EML4: variants seen among roughly 807,000 people sequenced by gnomAD.
The protein encoded by EML4 is echinoderm microtubule-associated protein-like 4.
Under a neutral mutation model 129.0 loss-of-function variants are expected in EML4, and 72 were observed. That is an observed-to-expected ratio of 0.56 (90% confidence interval 0.46 to 0.68). The LOEUF is 0.68. EML4 is among the 30% of genes least tolerant of loss of function. The pLI, the probability that EML4 is intolerant of heterozygous loss-of-function variation, is 0.00. For synonymous variants in EML4, 532 were observed against 405.0 expected, an observed-to-expected ratio of 1.31 and a Z score of -3.77; for missense variants, 1,363 against 1,190.6, an observed-to-expected ratio of 1.14 and a Z score of -2.13.
chr2:42,279,654 G>A (rs1317245023), intron 6 of EML4, among the ~76,000 whole-genome samples: 1 of 151,536 alleles, frequency 6.6e-6, no homozygotes, highest in Non-Finnish European at 1.5e-5. Flanking sequence ...TTTCATATTT[G>A]TAGTAGAGAC....
intron 1 of EML4, among the ~76,000 whole-genome samples, chr2:42,185,833 G>GTTT (rs1391920940): frequency 1.3e-5 from 2 of 152,110 alleles, no homozygotes; most frequent in Non-Finnish European, 2.9e-5. Flanking sequence ...TCAGTGTGGA[G>GTTT]TTTTTGCAGT....
chr2:42,313,372 A>G (rs1359301664), intron 17 of EML4, among the ~76,000 whole-genome samples: 2 of 152,164 alleles, frequency 1.3e-5, no homozygotes, highest in African/African-American at 2.4e-5. Context: ...CTCTCTCACC[A>G]TGGGCCATGG....
chr2:42,229,783 C>A (rs1044872010), intron 1 of EML4, among the ~76,000 whole-genome samples: 1 of 151,914 alleles, frequency 6.6e-6, no homozygotes, highest in Non-Finnish European at 1.5e-5. Flanking sequence ...GAACATCTGA[C>A]CTCTTGGTTG....
chr2:42,323,721 G>C (rs1669639666), intron 19 of EML4, among the ~76,000 whole-genome samples: 1 of 150,632 alleles, frequency 6.6e-6, no homozygotes, highest in South Asian at 2.1e-4. Flanking sequence ...ATAACTTCAG[G>C]TCAGGAATTC....
At chr2:42,230,060 C>A (rs998133549) in intron 1 of EML4, among the ~76,000 whole-genome samples, 3 of 152,154 alleles carry the variant, frequency 2.0e-5, no homozygotes, top group Admixed American at 6.6e-5. Context: ...CACGAAACTT[C>A]TAATAAAGGG....
chr2:42,316,036 T>C lies in EML4; in HGVS notation c.2042T>C (p.Met681Thr). ...HTDGNEQLSV[M>T]RYSIDGTFLA... ...GACGGGAATGAACAGCTCTCTGTGA[T>C]GCGCTACTCAATAGGTAGGCAAATT... Residue 681 changes from methionine (M) to threonine (T), a missense_variant, in exon 18 of 23, where the codon ATG (methionine) becomes ACG (threonine). Coordinates refer to ENST00000318522, the MANE Select transcript of EML4 (RefSeq NM_019063.5). The C allele has an allele frequency of 6.2e-7, 1 of 1,613,232 alleles. No individual in the cohort carries two copies. Among genetic ancestry groups the C allele is most frequent in the South Asian group, 1.1e-5 (1 of 90,990 alleles).
At chr2:42,185,662 T>C (rs1285725396) in intron 1 of EML4, among the ~76,000 whole-genome samples, 1 of 152,170 alleles carries the variant, frequency 6.6e-6, no homozygotes, top group Non-Finnish European at 1.5e-5. Context: ...AGGACCATAT[T>C]ACTGATTATC....
Position 42,280,915 on chromosome 2 carries a change from G to C in EML4, c.733G>C (p.Asp245His), listed in dbSNP as rs2104459692. 6.2e-7 allele frequency: 1 copy of C among 1,612,122 alleles called. No homozygotes were observed. The highest frequency in any genetic ancestry group is 8.5e-7 in the Non-Finnish European group (1 of 1,178,474). ...TACCATGTTCATTCCTTCCGATGTT[G>C]ACAACTATGATGACATCAGAACGGA... Reference protein sequence around the residue: ...PITMFIPSDVDNYDDIRTELP... With the variant: ...PITMFIPSDVHNYDDIRTELP... The change falls in exon 7 of 23, where the codon GAC becomes CAC. Residue 245 changes from aspartate (D) to histidine (H), a missense_variant. By Grantham distance (81) the Asp-to-His change is moderately conservative. Coordinates refer to ENST00000318522, the MANE Select transcript of EML4 (RefSeq NM_019063.5).
intron 2 of EML4, among the ~76,000 whole-genome samples, chr2:42,254,114 G>C (rs1474647160): frequency 6.6e-6 from 1 of 152,194 alleles, no homozygotes; most frequent in Non-Finnish European, 1.5e-5. Context: ...TTGAGCAATT[G>C]AAGTTGTTAT....
chr2:42,324,637 T>C (rs11673838), intron 19 of EML4, among the ~76,000 whole-genome samples: 3,190 of 152,202 alleles, frequency 0.021, 52 homozygotes, highest in Non-Finnish European at 0.033. Flanking sequence ...AGTTAGTAAT[T>C]GAAAAAGCAC....
At chr2:42,286,441 T>C (rs1345406070) in intron 10 of EML4, 62 bp downstream of exon 10, 4 of 1,049,824 alleles carry the variant, frequency 3.8e-6, no homozygotes, top group Non-Finnish European at 6.0e-6. Context: ...GAAGTTAAGC[T>C]CAGTTTTGTG....
At position 42,284,716 on chromosome 2, in the gene EML4, GTGTTA is replaced by G; in HGVS notation, c.1011+16_1011+20del. The G allele has an allele frequency of 2.5e-6, 4 of 1,595,348 alleles. No individual in the cohort carries two copies. In the South Asian group the frequency reaches 4.4e-5, roughly 18 times the overall value. On this transcript the variant is annotated intron_variant, in intron 9 of 22. Coordinates refer to ENST00000318522, the MANE Select transcript of EML4 (RefSeq NM_019063.5). ...TAAAGATGGAAGGGTGAGTGGCATAGTGTTATGCCTTCTGTACCTAGAGACATTGC... is the reference window on the plus strand; with the variant it reads ...TAAAGATGGAAGGGTGAGTGGCATAGTGCCTTCTGTACCTAGAGACATTGC...
chr2:42,304,592 A>G (rs1358004467), intron 17 of EML4, 41 bp downstream of exon 17: 1 of 1,410,972 alleles, frequency 7.1e-7, no homozygotes, highest in Non-Finnish European at 1.0e-6. Flanking sequence ...AAGTGGTGGG[A>G]TGTTTAAATG....
intron 7 of EML4, 114 bp from the exon 8 acceptor site, chr2:42,282,709 G>C (rs1464737060): frequency 9.4e-6 from 9 of 955,496 alleles, no homozygotes; most frequent in Non-Finnish European, 1.5e-5. Context: ...GAGTTTTCTA[G>C]TTCTAGTTCA....
intron 1 of EML4, among the ~76,000 whole-genome samples, chr2:42,179,236 C>G (rs1670791923): frequency 2.7e-5 from 4 of 148,456 alleles, no homozygotes; most frequent in Admixed American, 1.4e-4. Context: ...GGGGAACATC[C>G]TATTTTTTAA....
intron 2 of EML4, among the ~76,000 whole-genome samples, chr2:42,250,476 C>G (rs991629559): frequency 1.2e-4 from 18 of 152,132 alleles, no homozygotes; most frequent in African/African-American, 4.3e-4. Context: ...GCTAAAATGA[C>G]TAGTAATTGT....
At position 42,303,365 on chromosome 2, in the gene EML4, G is replaced by A; in HGVS notation, c.1818G>A (p.Leu606=). The change falls in exon 16 of 23, where the codon TTG becomes TTA. Residue 606 remains leucine, a synonymous_variant. Coordinates refer to ENST00000318522, the MANE Select transcript of EML4 (RefSeq NM_019063.5). ...TTGCCACACATCCCTTCAAAGATTT[G>A]CTCTTGACATGTGCTCAGGACAGGC... ...WGLATHPFKD[L]LLTCAQDRQV... is the part of the protein sequence containing the mutation. The A allele has an allele frequency of 1.2e-6, 2 of 1,614,118 alleles. No individual in the cohort carries two copies. Among genetic ancestry groups the A allele is most frequent in the Non-Finnish European group, 1.7e-6 (2 of 1,180,014 alleles).
chr2:42,213,376 TTA>T (rs1297886662), intron 1 of EML4, among the ~76,000 whole-genome samples: 3 of 152,208 alleles, frequency 2.0e-5, no homozygotes, highest in Admixed American at 2.0e-4. Context: ...TTGCTCAGTA[TTA>T]TGTTTGTACA....
At chr2:42,177,730 G>A (rs1237592009) in intron 1 of EML4, among the ~76,000 whole-genome samples, 1 of 152,166 alleles carries the variant, frequency 6.6e-6, no homozygotes, top group Non-Finnish European at 1.5e-5. Flanking sequence ...AGAATTCTGT[G>A]CCAGATTCTA....
Sources: allele counts gnomAD v4.1 joint callset (sites outside exome capture counted in the v4.1 genomes callset), GRCh38; gene constraint gnomAD v4.1.1; transcripts MANE v1.5; gene names NCBI Gene and HGNC (gene_info 2026-07-23, HGNC 2026-07-21).